The following IFT46 variants were observed in gnomAD, a reference collection of about 807,000 sequenced individuals.
IFT46 encodes intraflagellar transport 46, also known as intraflagellar transport protein 46 homolog.
A neutral mutation model predicts 39.6 loss-of-function variants in IFT46; 19 were observed. The ratio of observed to expected loss-of-function variants is 0.48; its 90% CI spans 0.33 to 0.70. IFT46 has a LOEUF of 0.70. Ranked by LOEUF, IFT46 falls within the 30% of genes least tolerant of loss-of-function variation. The probability of loss-of-function intolerance (pLI) is 0.01; values close to 1 mark genes in which losing one functional copy is unlikely to be tolerated. For missense variants in IFT46, 334 were observed against 364.8 expected (o/e 0.92, Z 0.69); for synonymous variants, 117 against 134.8 (o/e 0.87, Z 0.91).
intron 3 of IFT46, chr11:118,557,300 G>T: frequency 2.3e-6 from 1 of 429,694 alleles, no homozygotes; most frequent in Admixed American, 4.0e-5. Context: ...TTTATCTATT[G>T]TACATATTAC....
intron 7 of IFT46, 36 bp downstream of exon 7, chr11:118,554,423 T>C: frequency 6.4e-7 from 1 of 1,555,688 alleles, no homozygotes. Context: ...CTCTTGGCCC[T>C]CTCCAGCTGG....
At chr11:118,571,770 G>T (rs1938340682) in intron 1 of IFT46, among the ~76,000 whole-genome samples, 1 of 152,176 alleles carries the variant, frequency 6.6e-6, no homozygotes. Context: ...CAGGAATACT[G>T]TATTTGTCTT....
chr11:118,553,009 C>T (rs186728486), intron 7 of IFT46, among the ~76,000 whole-genome samples: 8 of 151,654 alleles, frequency 5.3e-5, no homozygotes, highest in Non-Finnish European at 7.4e-5. Context: ...GGATTGCTTG[C>T]AGATCGAGGC....
At position 118,558,236 on chromosome 11, in the gene IFT46, C is replaced by T. The variant is rs1937907612; in HGVS notation, c.46-1191G>A. Reference sequence around the variant, plus strand: ...ATAAGAACTTTCTAGAGCATTCTTTCTCAATTCAAGATTTGCCAAAATTAT... The same window carrying T: ...ATAAGAACTTTCTAGAGCATTCTTTTTCAATTCAAGATTTGCCAAAATTAT... On this transcript the variant is annotated intron_variant, in intron 3 of 11. Transcript: ENST00000264021. Among the ~76,000 whole-genome samples the T allele has an allele frequency of 2.0e-5, 3 of 152,300 alleles. No homozygotes were observed. In the South Asian group the frequency reaches 6.2e-4, roughly 32 times the overall value.
At position 118,557,045 on chromosome 11, in the gene IFT46, C is replaced by T. The variant is rs1555069679; in HGVS notation, c.46G>A (p.Glu16Lys). The change falls in exon 4 of 12, where the codon GAG becomes AAG. Residue 16 changes from glutamate (E) to lysine (K), a missense_variant and splice_region_variant. Physicochemically the swap from Glu to Lys is moderately conservative, Grantham distance 56. Transcript: ENST00000264021. ...SDECEEENNK[E>K]KKKTSQLTPQ... The stretch of plus-strand genomic sequence containing the variant: ...GTCAACTGTGAGGTCTTCTTCTTCT[C>T]CTGTGATAGGGCAGGGCAGGCATAG... 1.3e-6 allele frequency: 2 copies of T among 1,598,058 alleles called. No homozygotes were observed. The highest frequency in any genetic ancestry group is 2.7e-5 in the African/African-American group (2 of 74,004).
chr11:118,568,437 A>G (rs1938273044), upstream of IFT46, among the ~76,000 whole-genome samples: 2 of 152,032 alleles, frequency 1.3e-5, no homozygotes, highest in African/African-American at 4.8e-5. Context: ...CTGTAATCCT[A>G]GCTACTCAGG....
chr11:118,553,003 T>A (rs1304455902), intron 7 of IFT46, among the ~76,000 whole-genome samples: 3 of 150,908 alleles, frequency 2.0e-5, no homozygotes, highest in African/African-American at 7.3e-5. Context: ...GTAGCAGGAT[T>A]GCTTGCAGAT....
intron 7 of IFT46, among the ~76,000 whole-genome samples, chr11:118,553,435 G>C (rs1437633808): frequency 6.9e-6 from 1 of 144,768 alleles, no homozygotes; most frequent in African/African-American, 2.6e-5. Context: ...GAGTAAAACT[G>C]TCTCAAAAAA....
chr11:118,549,457 A>C (rs1555067920), intron 9 of IFT46, among the ~76,000 whole-genome samples: 5 of 151,428 alleles, frequency 3.3e-5, no homozygotes, highest in African/African-American at 9.7e-5. Flanking sequence ...AACTTTGTTT[A>C]TGGTATCTAT....
chr11:118,573,287 G>A (rs1223970556), upstream of IFT46, among the ~76,000 whole-genome samples: 1 of 152,190 alleles, frequency 6.6e-6, no homozygotes, highest in Non-Finnish European at 1.5e-5. Flanking sequence ...GAAGAAAAAT[G>A]TGTATGTGGC....
Position 118,554,561 on chromosome 11 carries a change from G to C in IFT46, c.381C>G (p.Asp127Glu), listed in dbSNP as rs782523592. ...LKVPRPDGKP[D>E]NLGLLVLDEP... ...CATCCAATACCAATAGGCCAAGGTT[G>C]TCAGGCTTTCCATCAGGACGTGGGA... The change falls in exon 7 of 12, where the codon GAC becomes GAG. Residue 127 changes from aspartate (D) to glutamate (E), a missense_variant. Transcript: ENST00000264021. 1 of 1,610,306 alleles carries C rather than the reference G, an allele frequency of 6.2e-7. No homozygotes were observed. The highest frequency in any genetic ancestry group is 1.1e-5 in the South Asian group (1 of 90,116).
intron 9 of IFT46, among the ~76,000 whole-genome samples, chr11:118,551,027 T>TAAA (rs1555068337): frequency 9.5e-6 from 1 of 105,782 alleles, no homozygotes. Context: ...TGAGACTGCC[T>TAAA]CAAAAAAAAA....
At chr11:118,550,844 T>C (rs1951790045) in intron 9 of IFT46, among the ~76,000 whole-genome samples, 1 of 151,802 alleles carries the variant, frequency 6.6e-6, no homozygotes, top group Non-Finnish European at 1.5e-5. Flanking sequence ...CTGGCCAAGA[T>C]GGTGAAACCC....
rs201190647 is a variant in IFT46, at chr11:118,552,232, G to A, written c.587C>T (p.Ala196Val). The part of the protein sequence containing the change: ...ISELHRSKPP[A>V]TVHYTRPMPD... ...TTCTTACCTGGTGTAGTGCACAGTC[G>A]CAGGGGGCTTAGAACGGTGTAATTC... The change falls in exon 8 of 12, where the codon GCG becomes GTG. Residue 196 changes from alanine to valine, a missense_variant. Coordinates refer to ENST00000264021, the MANE Select transcript of IFT46 (RefSeq NM_001168618.2). 2.6e-5 allele frequency: 42 copies of A among 1,614,074 alleles called. No individual in the cohort carries two copies. The Admixed American group carries it at 3.8e-4, about 15-fold the overall frequency.
At chr11:118,557,937 T>C in intron 3 of IFT46, 1 of 1,513,218 alleles carries the variant, frequency 6.6e-7, no homozygotes, top group Non-Finnish European at 8.9e-7. Flanking sequence ...TTTTCAAAAC[T>C]TGGTTTCTAT....
intron 4 of IFT46, among the ~76,000 whole-genome samples, chr11:118,556,410 G>A (rs979773479): frequency 1.3e-5 from 2 of 151,906 alleles, no homozygotes; most frequent in Non-Finnish European, 2.9e-5. Flanking sequence ...GGAGAATGGC[G>A]TGAACCCAGG....
At chr11:118,555,551 A>G (rs1388730277) in intron 4 of IFT46, 10 of 431,238 alleles carry the variant, frequency 2.3e-5, no homozygotes, top group Non-Finnish European at 1.2e-5. Flanking sequence ...CCAAAACATA[A>G]TATTTTTTTG....
chr11:118,551,595 G>T (rs537209070), intron 9 of IFT46, among the ~76,000 whole-genome samples, 191 bp downstream of exon 9: 32 of 148,652 alleles, frequency 2.2e-4, no homozygotes, highest in African/African-American at 6.2e-4. Flanking sequence ...GGTCACTTGA[G>T]CCCGGGAGGT....
intron 9 of IFT46, among the ~76,000 whole-genome samples, chr11:118,551,044 A>C (rs1236614260): frequency 1.4e-5 from 2 of 146,660 alleles, no homozygotes; most frequent in Admixed American, 6.8e-5. Flanking sequence ...AAAAAAAAAA[A>C]AACTATCTTT....
Sources: allele counts gnomAD v4.1 joint callset (sites outside exome capture counted in the v4.1 genomes callset), GRCh38; gene constraint gnomAD v4.1.1; transcripts MANE v1.5; gene names NCBI Gene and HGNC (gene_info 2026-07-23, HGNC 2026-07-21).